F5: variants seen among roughly 807,000 people sequenced by gnomAD.
F5 encodes the protein coagulation factor V, also known as activated protein c cofactor.
Under a neutral mutation model 216.4 loss-of-function variants are expected in F5, and 138 were observed. The ratio of observed to expected loss-of-function variants is 0.64; its 90% CI spans 0.56 to 0.73. F5 has a LOEUF of 0.73. Ranked by LOEUF, F5 falls within the 30% of genes least tolerant of loss-of-function variation. The pLI, the probability that F5 is intolerant of heterozygous loss-of-function variation, is 0.00. For missense variants in F5, 2,403 were observed against 2,674.0 expected (o/e 0.90, Z 2.24); for synonymous variants, 916 against 930.7 (o/e 0.98, Z 0.29).
In F5 at chr1:169,518,582, C is replaced by A; in HGVS notation, c.6194-19G>T. 1 of 1,613,264 alleles carries A rather than the reference C, an allele frequency of 6.2e-7. No individual in the cohort carries two copies. ...GAACATCCTATCAAAAGAAAAGTAA[C>A]GTGATTAATTACACACCAATATTCC... On this transcript the variant is annotated intron_variant, in intron 22 of 24. Coordinates refer to ENST00000367797, the MANE Select transcript of F5 (RefSeq NM_000130.5).
In F5 at chr1:169,540,412, A is replaced by C; in HGVS notation, c.4678T>G (p.Ser1560Ala). The change falls in exon 13 of 25, where the codon TCC becomes GCC. Residue 1560 changes from serine to alanine, a missense_variant. By Grantham distance (99) the Ser-to-Ala change is moderately conservative. Coordinates refer to ENST00000367797, the MANE Select transcript of F5 (RefSeq NM_000130.5). ...YKTDVRTNIN[S>A]SRDPDNIAAW... ...GCAATGTTGTCAGGATCTCTGGAGG[A>C]GTTGATGTTTGTCCTAACATCAGTT... The C allele has an allele frequency of 6.2e-7, 1 of 1,613,992 alleles. No homozygotes were observed. The highest frequency in any genetic ancestry group is 8.5e-7 in the Non-Finnish European group (1 of 1,179,932).
intron 15 of F5, 143 bp downstream of exon 15, chr1:169,530,643 G>T: frequency 1.3e-6 from 1 of 758,796 alleles, no homozygotes; most frequent in East Asian, 2.5e-5. Context: ...TATGATAAAT[G>T]CAGACTGTTA....
At chr1:169,515,007 G>A (rs9332672) in intron 24 of F5, among the ~76,000 whole-genome samples, 368 of 152,222 alleles carry the variant, frequency 2.4e-3, no homozygotes, top group African/African-American at 8.3e-3. Flanking sequence ...GTATGTCAAC[G>A]TAAGTGCATA....
At chr1:169,520,704 C>T (rs1366135659) in intron 21 of F5, 40 bp from the exon 22 acceptor site, 7 of 1,552,896 alleles carry the variant, frequency 4.5e-6, no homozygotes, top group Non-Finnish European at 5.3e-6. Flanking sequence ...TAACAATGAT[C>T]TATAAAGTGA....
At chr1:169,532,641 T>C (rs200714819) in intron 14 of F5, among the ~76,000 whole-genome samples, 2 of 137,042 alleles carry the variant, frequency 1.5e-5, no homozygotes, top group African/African-American at 2.7e-5. Context: ...CACACACACA[T>C]ACAAAATACC....
In F5 at chr1:169,526,029, A is replaced by G. The variant is rs1366381153; in HGVS notation, c.5600-12T>C. ...AGTTTTAAATGAACCTAAAATAAAA[A>G]GAACAACATTACATTTGCAAAAATT... On this transcript the variant is annotated splice_polypyrimidine_tract_variant and intron_variant, in intron 17 of 24. Transcript: ENST00000367797. 3.8e-6 allele frequency: 6 copies of G among 1,577,630 alleles called. No individual in the cohort carries two copies. The highest frequency in any genetic ancestry group is 5.2e-6 in the Non-Finnish European group (6 of 1,148,052).
At chr1:169,515,707 C>T in intron 23 of F5, 81 bp from the exon 24 acceptor site, 2 of 1,408,810 alleles carry the variant, frequency 1.4e-6, no homozygotes, top group Non-Finnish European at 2.0e-6. Context: ...TGCAAAAAAG[C>T]ACAGAGCTCA....
At chr1:169,561,293 C>T (rs75110879) in intron 3 of F5, among the ~76,000 whole-genome samples, 3 of 151,584 alleles carry the variant, frequency 2.0e-5, no homozygotes, top group Non-Finnish European at 4.4e-5. Flanking sequence ...TTTTTTCCCC[C>T]GAGCCACAGC....
At chr1:169,544,996 A>G (rs886486498) in intron 11 of F5, among the ~76,000 whole-genome samples, 1 of 152,188 alleles carries the variant, frequency 6.6e-6, no homozygotes, top group Non-Finnish European at 1.5e-5. Flanking sequence ...TATCCAGTTC[A>G]TACATTTCAT....
chr1:169,511,973 A>G lies in F5; in HGVS notation c.*2340T>C, dbSNP rs898605686. 1.3e-5 allele frequency among the ~76,000 whole-genome samples: 2 copies of G among 152,018 alleles called. No homozygotes were observed. The highest frequency in any genetic ancestry group is 2.1e-4 in the South Asian group (1 of 4,830). ...GAAATAAAAAGTGGGTATCTTTTTT[A>G]TTTCAAAATAACAGGGGTTTTAATA... On this transcript the variant is annotated 3_prime_UTR_variant, in exon 25 of 25. Transcript: ENST00000367797.
chr1:169,518,678 C>T (rs1659218765), intron 22 of F5, 115 bp from the exon 23 acceptor site: 1 of 1,146,680 alleles, frequency 8.7e-7, no homozygotes, highest in Admixed American at 2.0e-5. Context: ...AAAACAATAA[C>T]CACAACAATG....
Position 169,540,306 on chromosome 1 carries a change from T to C in F5, c.4784A>G (p.Glu1595Gly). 6.2e-7 allele frequency: 1 copy of C among 1,613,842 alleles called. No individual in the cohort carries two copies. Among genetic ancestry groups the C allele is most frequent in the Non-Finnish European group, 8.5e-7 (1 of 1,179,828 alleles). The change falls in exon 13 of 25, where the codon GAA becomes GGA. Residue 1595 changes from glutamate to glycine, a missense_variant. Glu to Gly is a moderately conservative substitution (Grantham distance 98, BLOSUM62 -2). Around this residue, in one of 4 missense-constraint regions of F5, gnomAD observed 659 missense variants for 787.9 expected, o/e 0.84. Transcript: ENST00000367797. ...AAACTGGCCAAACCTTTGTACAAAT[T>C]CTGAATAATCCCAGGATATTTCTTC... is the stretch of plus-strand genomic sequence containing the variant. Reference protein sequence around the residue: ...AAEEISWDYSEFVQRETDIED... With the variant: ...AAEEISWDYSGFVQRETDIED...
chr1:169,527,335 C>T (rs1659482193), intron 17 of F5, among the ~76,000 whole-genome samples: 1 of 152,080 alleles, frequency 6.6e-6, no homozygotes, highest in Non-Finnish European at 1.5e-5. Context: ...CAGAAACATC[C>T]CTTCTGTATA....
Position 169,544,435 on chromosome 1 carries a change from G to T in F5, c.1836C>A (p.Phe612Leu), listed in dbSNP as rs756293531. Residue 612 changes from phenylalanine (F) to leucine (L), a missense_variant, in exon 12 of 25, where the codon TTC (phenylalanine) becomes TTA (leucine). Physicochemically the swap from Phe to Leu is conservative, Grantham distance 22. Around this residue, in one of 4 missense-constraint regions of F5, gnomAD observed 1,425 missense variants for 1,554.8 expected, o/e 0.92. Coordinates refer to ENST00000367797, the MANE Select transcript of F5 (RefSeq NM_000130.5). ...FCFDDTVQWH[F>L]CSVGTQNEIL... The stretch of plus-strand genomic sequence containing the variant: ...TTTCATTCTGGGTCCCCACACTACA[G>T]AAGTGCCACTGGACAGTGTCATCAA... 1 of 1,614,176 alleles carries T rather than the reference G, an allele frequency of 6.2e-7. No homozygotes were observed. Among genetic ancestry groups the T allele is most frequent in the Non-Finnish European group, 8.5e-7 (1 of 1,180,020 alleles).
chr1:169,562,585 GTTAGTGATGTTTAATCTCCA>G (rs1660507894), intron 3 of F5, among the ~76,000 whole-genome samples: 1 of 151,646 alleles, frequency 6.6e-6, no homozygotes, highest in Non-Finnish European at 1.5e-5. Context: ...ATTGAGTATA[GTTAGTGATGTTTAATCTCCA>G]TTGTTGCCTT....
intron 21 of F5, among the ~76,000 whole-genome samples, chr1:169,521,988 C>T (rs1208019203): frequency 6.6e-6 from 1 of 151,652 alleles, no homozygotes; most frequent in Non-Finnish European, 1.5e-5. Context: ...GGGCAGATGA[C>T]AATATCAGAG....
At chr1:169,556,425 TAA>T (rs61568675) in intron 6 of F5, among the ~76,000 whole-genome samples, 6 of 58,904 alleles carry the variant, frequency 1.0e-4, no homozygotes, top group South Asian at 1.3e-3. Context: ...TTTGCTTAAT[TAA>T]AAAAAAAAAA....
At position 169,549,973 on chromosome 1, in the gene F5, G is replaced by T; in HGVS notation, c.1439C>A (p.Thr480Asn). The T allele has an allele frequency of 6.2e-7, 1 of 1,614,090 alleles. No individual in the cohort carries two copies. Among genetic ancestry groups the T allele is most frequent in the Non-Finnish European group, 8.5e-7 (1 of 1,180,012 alleles). ...TAAGATGTTCCACTTATAAGTATAG[G>T]TTTCCCCTGGTTGAACTGCTCTGAT... ...TMIRAVQPGETYTYKWNILEF... is the reference protein window; with the variant it reads ...TMIRAVQPGENYTYKWNILEF... The change falls in exon 10 of 25, where the codon ACC (threonine) becomes AAC (asparagine). Residue 480 changes from threonine to asparagine, a missense_variant. Physicochemically the swap from Thr to Asn is moderately conservative, Grantham distance 65. Transcript: ENST00000367797.
Position 169,542,344 on chromosome 1 carries a change from C to A in F5, c.2746G>T (p.Gly916Cys). The stretch of plus-strand genomic sequence containing the variant: ...CAGGGCCTCATTCTGGAAGGAGAAC[C>A]AGTGTCTTGGCTAGGAAGGTCCTCC... ...PWEDLPSQDT[G>C]SPSRMRPWKD... The change falls in exon 13 of 25, where the codon GGT (glycine) becomes TGT (cysteine). Residue 916 changes from glycine to cysteine, a missense_variant. Transcript: ENST00000367797. 1 of 1,600,326 alleles carries A rather than the reference C, an allele frequency of 6.2e-7. No individual in the cohort carries two copies. Among genetic ancestry groups the A allele is most frequent in the Non-Finnish European group, 8.6e-7 (1 of 1,169,250 alleles).
Sources: gnomAD v4.1 joint callset for allele counts (sites outside exome capture counted in the v4.1 genomes callset) on GRCh38, gnomAD v4.1.1 for gene constraint, gnomAD v4.1.1 regional missense constraint, MANE v1.5 for transcripts, NCBI Gene and HGNC (gene_info 2026-07-23, HGNC 2026-07-21) for gene names.